The following CRACDL variants were observed in gnomAD, a reference collection of about 807,000 sequenced individuals.
The protein encoded by CRACDL is CRACD like, also known as CRACD-like protein.
Under a neutral mutation model 70.6 loss-of-function variants are expected in CRACDL, and 26 were observed. The ratio of observed to expected loss-of-function variants is 0.37; its 90% CI spans 0.27 to 0.51. The LOEUF is 0.51. CRACDL is among the 20% of genes least tolerant of loss of function. The pLI is 0.94. For missense variants in CRACDL, 1,283 were observed against 1,376.9 expected, an observed-to-expected ratio of 0.93 and a Z score of 1.08; for synonymous variants, 618 against 615.2, an observed-to-expected ratio of 1.00 and a Z score of -0.07.
Position 98,823,676 on chromosome 2 carries a change from C to T in CRACDL, c.736-139G>A. 3 of 1,055,916 alleles carry T rather than the reference C, an allele frequency of 2.8e-6. No homozygotes were observed. Among genetic ancestry groups the T allele is most frequent in the Admixed American group, 2.3e-5 (1 of 43,134 alleles). 65.4% of individuals were successfully genotyped at this position (1,055,916 alleles called of 1,614,324 possible). A position where few individuals can be genotyped will look rare whatever the true frequency, so the allele number is the denominator to read the frequency against. On this transcript the variant is annotated intron_variant, in intron 6 of 9. Transcript: ENST00000397899. This position sits in a 1 kb window ranked among gnomAD's most constrained non-coding sequence, Gnocchi z 4.0. ...TGGCACTTAAGTAGGCATGTACCCA[C>T]GGGTGTCTTTTCTCAGTCTGTATCC...
intron 7 of CRACDL, among the ~76,000 whole-genome samples, chr2:98,808,342 C>T (rs1173541810): frequency 1.3e-5 from 2 of 152,208 alleles, no homozygotes; most frequent in African/African-American, 2.4e-5. Context: ...TGGGATTCAT[C>T]CTGGGCAGGT....
intron 1 of CRACDL, among the ~76,000 whole-genome samples, chr2:98,921,051 C>T (rs1332261646): frequency 6.6e-6 from 1 of 152,222 alleles, no homozygotes; most frequent in Non-Finnish European, 1.5e-5. Context: ...GCTCAGCCTG[C>T]ACTCCCAGAA....
At chr2:98,849,537 G>C in intron 1 of CRACDL, among the ~76,000 whole-genome samples, 1 of 152,072 alleles carries the variant, frequency 6.6e-6, no homozygotes, top group Non-Finnish European at 1.5e-5. Flanking sequence ...AGCTGCACGG[G>C]GCAGAGGGTT....
intron 1 of CRACDL, among the ~76,000 whole-genome samples, chr2:98,932,470 G>A (rs1037424656): frequency 1.3e-5 from 2 of 152,144 alleles, no homozygotes; most frequent in African/African-American, 2.4e-5. Flanking sequence ...ATTATGACTC[G>A]GACCTTTCCG....
chr2:98,905,106 C>T (rs111959417), intron 1 of CRACDL, among the ~76,000 whole-genome samples: 1,575 of 151,880 alleles, frequency 0.01, 35 homozygotes, highest in East Asian at 0.074. Context: ...AAAATTTAGC[C>T]GGGCATAGTG....
At chr2:98,920,597 A>G (rs1300618226) in intron 1 of CRACDL, among the ~76,000 whole-genome samples, 1 of 152,034 alleles carries the variant, frequency 6.6e-6, no homozygotes, top group Non-Finnish European at 1.5e-5. Context: ...CATCAGACAC[A>G]GCACACTTAT....
At chr2:98,865,174 C>G (rs1334598702) in intron 1 of CRACDL, among the ~76,000 whole-genome samples, 1 of 152,100 alleles carries the variant, frequency 6.6e-6, no homozygotes, top group African/African-American at 2.4e-5. Flanking sequence ...CAATAGCACT[C>G]CGTTTCCTTC....
chr2:98,849,489 C>G (rs980335529), intron 1 of CRACDL, among the ~76,000 whole-genome samples: 1 of 152,072 alleles, frequency 6.6e-6, no homozygotes, highest in African/African-American at 2.4e-5. Flanking sequence ...GAGGCTCAGG[C>G]TTGCTTCTCC....
chr2:98,823,211 G>T lies in CRACDL; in HGVS notation c.1062C>A (p.Pro354=). ...PESAPTLRVE[P]PSPPEGPPNP... is the part of the protein sequence containing the mutation. ...TCGGGGGGCCCTCCGGCGGGGACGG[G>T]GGCTCCACGCGGAGAGTGGGGGCCG... The change falls in exon 7 of 10, where the codon CCC becomes CCA. Residue 354 remains proline, a synonymous_variant. Transcript: ENST00000397899. This position sits in a 1 kb window ranked among gnomAD's most constrained non-coding sequence, Gnocchi z 4.0. 1 of 1,427,262 alleles carries T rather than the reference G, an allele frequency of 7.0e-7. No individual in the cohort carries two copies. 88.4% of individuals were successfully genotyped at this position (1,427,262 alleles called of 1,614,324 possible).
chr2:98,805,679 C>G (rs1026928478), intron 7 of CRACDL, among the ~76,000 whole-genome samples: 24 of 152,206 alleles, frequency 1.6e-4, no homozygotes, highest in Admixed American at 6.5e-5. Flanking sequence ...AGCCTAGGGG[C>G]AAACAGAAGG....
intron 7 of CRACDL, 138 bp from the exon 8 acceptor site, chr2:98,797,675 G>A (rs1037338335): frequency 1.4e-6 from 1 of 730,816 alleles, no homozygotes; most frequent in Non-Finnish European, 2.2e-6. Flanking sequence ...TTTCTTTAGG[G>A]GCTTTGTTTT....
chr2:98,844,867 C>A (rs1410667551), intron 2 of CRACDL, among the ~76,000 whole-genome samples: 1 of 152,186 alleles, frequency 6.6e-6, no homozygotes, highest in Admixed American at 6.5e-5. Flanking sequence ...AGTCTAGAAG[C>A]AATATTAATC....
rs1388256198 is a variant in CRACDL, at chr2:98,832,518, T to C, written c.376-6A>G. On this transcript the variant is annotated splice_polypyrimidine_tract_variant and splice_region_variant and intron_variant, in intron 4 of 9. Transcript: ENST00000397899. ...ACATTACACTGTATTTTTAACTAGATTGGAATAAAGAACATGTGCTCTTAT... is the reference window on the plus strand; with the variant it reads ...ACATTACACTGTATTTTTAACTAGACTGGAATAAAGAACATGTGCTCTTAT... 1.3e-6 allele frequency: 2 copies of C among 1,579,994 alleles called. No individual in the cohort carries two copies. The highest frequency in any genetic ancestry group is 1.7e-6 in the Non-Finnish European group (2 of 1,162,042).
chr2:98,860,746 A>G (rs1706904794), intron 1 of CRACDL, among the ~76,000 whole-genome samples: 1 of 152,248 alleles, frequency 6.6e-6, no homozygotes, highest in African/African-American at 2.4e-5. Context: ...AAATGCATCA[A>G]AAGAGAAGAT....
At chr2:98,882,672 T>C (rs1407064475) in intron 1 of CRACDL, among the ~76,000 whole-genome samples, 1 of 152,114 alleles carries the variant, frequency 6.6e-6, no homozygotes. Context: ...ACAAGCCTCA[T>C]CTGCAACAGA....
At chr2:98,851,122 C>T (rs1706464701) in intron 1 of CRACDL, among the ~76,000 whole-genome samples, 1 of 152,182 alleles carries the variant, frequency 6.6e-6, no homozygotes, top group Non-Finnish European at 1.5e-5. Flanking sequence ...CCTGTGGATT[C>T]TTTCTTAGCT....
At chr2:98,843,322 A>C (rs2104528412) in intron 2 of CRACDL, among the ~76,000 whole-genome samples, 2 of 152,266 alleles carry the variant, frequency 1.3e-5, no homozygotes, top group Middle Eastern at 6.8e-3. Flanking sequence ...GTGATTTATA[A>C]ATATTTTCTT....
intron 1 of CRACDL, among the ~76,000 whole-genome samples, chr2:98,868,029 A>C (rs1460204434): frequency 1.3e-5 from 2 of 152,206 alleles, no homozygotes; most frequent in African/African-American, 4.8e-5. Flanking sequence ...TCACCACTCT[A>C]TCCTGGCCCA....
At chr2:98,869,062 CT>C in intron 1 of CRACDL, 1 of 1,300,034 alleles carries the variant, frequency 7.7e-7, no homozygotes, top group Non-Finnish European at 1.0e-6. Flanking sequence ...CACCTCTTTG[CT>C]CTCAGAGGGC....
Sources: allele counts gnomAD v4.1 joint callset (sites outside exome capture counted in the v4.1 genomes callset), GRCh38; gene constraint gnomAD v4.1.1; non-coding constraint Gnocchi (gnomAD v3.1); transcripts MANE v1.5; gene names NCBI Gene and HGNC (gene_info 2026-07-23, HGNC 2026-07-21).